Variants in CRHR1 observed in about 807,000 individuals in gnomAD.
CRHR1 encodes the protein corticotropin-releasing hormone receptor 1.
Under a neutral mutation model 56.0 loss-of-function variants are expected in CRHR1, and 28 were observed. The observed-to-expected ratio is 0.50, with a 90% CI of 0.37 to 0.69. The LOEUF is 0.69. CRHR1 is among the 30% of genes least tolerant of loss of function. The pLI is 0.00. For synonymous variants in CRHR1, 195 were observed against 216.5 expected, an observed-to-expected ratio of 0.90 and a Z score of 0.87; for missense variants, 376 against 548.0, an observed-to-expected ratio of 0.69 and a Z score of 3.13.
intron 12 of CRHR1, 127 bp downstream of exon 12, chr17:45,834,175 G>A: frequency 8.4e-7 from 1 of 1,191,688 alleles, no homozygotes; most frequent in Non-Finnish European, 1.2e-6. Flanking sequence ...GGTCCCTAGG[G>A]GTATGCTGCT....
At chr17:45,801,545 T>C (rs973923712) in intron 1 of CRHR1, among the ~76,000 whole-genome samples, 7 of 152,158 alleles carry the variant, frequency 4.6e-5, no homozygotes, top group Non-Finnish European at 5.9e-5. Context: ...GTGGAGAGAT[T>C]TGTAGCTCAG....
chr17:45,834,914 C>G lies in CRHR1; in HGVS notation c.*150C>G. ...GCACTGACAGCCTGGGGGGGCCGCT[C>G]TCCCCCTGCAGCCGTGCAGGACTCT... On this transcript the variant is annotated 3_prime_UTR_variant, in exon 13 of 13. Transcript: ENST00000314537. The G allele has an allele frequency of 9.3e-7, 1 of 1,080,316 alleles. No individual in the cohort carries two copies. The highest frequency in any genetic ancestry group is 1.3e-6 in the Non-Finnish European group (1 of 754,776). The allele number at this position is 1,080,316 out of a possible 1,614,324, so 66.9% of individuals were successfully genotyped here.
intron 1 of CRHR1, among the ~76,000 whole-genome samples, chr17:45,805,855 T>A (rs1238957088): frequency 6.6e-6 from 1 of 152,122 alleles, no homozygotes; most frequent in Non-Finnish European, 1.5e-5. Context: ...AACCACTAAG[T>A]TCAGATCAGT....
intron 1 of CRHR1, among the ~76,000 whole-genome samples, chr17:45,798,534 A>C (rs1016256876): frequency 4.6e-5 from 7 of 151,718 alleles, no homozygotes; most frequent in Admixed American, 6.5e-5. Context: ...TCGGGAAAAA[A>C]AAAAAAAAAA....
rs529436387 is a variant in CRHR1 at position 45,835,703 on chromosome 17, C to T, written c.*939C>T. The T allele has an allele frequency of 1.3e-5, 2 of 152,428 alleles. No individual in the cohort carries two copies. Among genetic ancestry groups the T allele is most frequent in the South Asian group, 4.1e-4 (2 of 4,830 alleles). 9.4% of individuals were successfully genotyped at this position (152,428 alleles called of 1,614,324 possible). ...CCAGGTGTGGACCGGCCGCAGCCCCCACTGACCTGCCCATGTCCAGAGGGA... is the reference window on the plus strand; with the variant it reads ...CCAGGTGTGGACCGGCCGCAGCCCCTACTGACCTGCCCATGTCCAGAGGGA... On this transcript the variant is annotated 3_prime_UTR_variant, in exon 13 of 13. Coordinates refer to ENST00000314537, the MANE Select transcript of CRHR1 (RefSeq NM_004382.5).
chr17:45,785,255 G>A (rs1450139282), intron 1 of CRHR1, among the ~76,000 whole-genome samples: 2 of 152,270 alleles, frequency 1.3e-5, no homozygotes, highest in African/African-American at 4.8e-5. Context: ...ATCGGGCGCT[G>A]GAGTTTAGGA....
chr17:45,810,755 G>A (rs2061807326), intron 2 of CRHR1, among the ~76,000 whole-genome samples: 1 of 152,234 alleles, frequency 6.6e-6, no homozygotes, highest in South Asian at 2.1e-4. Context: ...CCATCCACTT[G>A]TCCTGATGGA....
intron 8 of CRHR1, among the ~76,000 whole-genome samples, chr17:45,831,708 TGA>T (rs2062313257): frequency 1.3e-5 from 2 of 152,284 alleles, no homozygotes; most frequent in Middle Eastern, 6.8e-3. Context: ...TGAGAACCAC[TGA>T]GAGAGAGCGG....
At chr17:45,822,633 C>T (rs1431488208) in intron 4 of CRHR1, among the ~76,000 whole-genome samples, 2 of 152,190 alleles carry the variant, frequency 1.3e-5, no homozygotes, top group Non-Finnish European at 2.9e-5. Flanking sequence ...GGCAGATCTC[C>T]TGAGGTCAGG....
chr17:45,827,274 G>A (rs1257620253), intron 4 of CRHR1: 1 of 152,282 alleles, frequency 6.6e-6, no homozygotes, highest in Non-Finnish European at 1.5e-5. Context: ...GTGAGGCAGG[G>A]GCCCTGGAAG....
chr17:45,796,478 G>A (rs978843086), intron 1 of CRHR1, among the ~76,000 whole-genome samples: 2 of 152,136 alleles, frequency 1.3e-5, no homozygotes, highest in Admixed American at 1.3e-4. Context: ...GTGTCTTTTG[G>A]AGGATCCAGG....
chr17:45,796,220 A>G (rs1167964618), intron 1 of CRHR1, among the ~76,000 whole-genome samples: 2 of 152,094 alleles, frequency 1.3e-5, no homozygotes, highest in Non-Finnish European at 2.9e-5. Flanking sequence ...TGTGCCTCCC[A>G]CCCACTCAGG....
chr17:45,809,456 C>G (rs931871375), intron 2 of CRHR1, among the ~76,000 whole-genome samples: 3 of 152,192 alleles, frequency 2.0e-5, no homozygotes, highest in African/African-American at 7.2e-5. Flanking sequence ...CATCCCTGAG[C>G]CCACAGAGGT....
intron 2 of CRHR1, among the ~76,000 whole-genome samples, chr17:45,809,338 A>T (rs552318719): frequency 2.0e-3 from 302 of 152,088 alleles, no homozygotes; most frequent in African/African-American, 6.8e-3. Context: ...GAGGGAGGAG[A>T]GCTGCTCAGA....
intron 10 of CRHR1, 82 bp downstream of exon 10, chr17:45,833,619 C>T (rs2062368508): frequency 6.3e-7 from 1 of 1,593,678 alleles, no homozygotes; most frequent in African/African-American, 1.3e-5. Context: ...AGACCTGCCA[C>T]TCCCTCCCCC....
At chr17:45,818,666 C>T (rs62057107) in intron 3 of CRHR1, among the ~76,000 whole-genome samples, 21,816 of 152,172 alleles carry the variant, frequency 0.14, 2,137 homozygotes, top group Middle Eastern at 0.22. Flanking sequence ...TTTCCAGGTG[C>T]CTCCAGCGCC....
At chr17:45,811,444 AG>A (rs1309607895) in intron 2 of CRHR1, among the ~76,000 whole-genome samples, 1 of 152,198 alleles carries the variant, frequency 6.6e-6, no homozygotes, top group Non-Finnish European at 1.5e-5. Flanking sequence ...GGAAGGAGGA[AG>A]ATATAGGACC....
In CRHR1 at chr17:45,784,703, G is replaced by T. The variant is rs978731443; in HGVS notation, c.33+126G>T. 4.9e-6 allele frequency: 5 copies of T among 1,024,708 alleles called. No individual in the cohort carries two copies. Among genetic ancestry groups the T allele is most frequent in the Middle Eastern group, 3.5e-4 (1 of 2,884 alleles). 63.5% of individuals were successfully genotyped at this position (1,024,708 alleles called of 1,614,324 possible). On this transcript the variant is annotated intron_variant, in intron 1 of 12. Transcript: ENST00000314537. The surrounding 1 kb of genome is among the most constrained non-coding windows in gnomAD (Gnocchi z 4.2). ...GAGAGCCGTGCTTAGGTCGGGGAAGGCTGGGCTCCGGGGCAGCCTAACTCT... is the reference window on the plus strand; with the variant it reads ...GAGAGCCGTGCTTAGGTCGGGGAAGTCTGGGCTCCGGGGCAGCCTAACTCT...
At chr17:45,830,387 C>A in intron 6 of CRHR1, 30 bp from the exon 7 acceptor site, 1 of 1,592,030 alleles carries the variant, frequency 6.3e-7, no homozygotes, top group Non-Finnish European at 8.6e-7. Context: ...TGCCCCCCAT[C>A]ATCATCTCTG....
Sources: gnomAD v4.1 joint callset for allele counts (sites outside exome capture counted in the v4.1 genomes callset) on GRCh38, gnomAD v4.1.1 for gene constraint, Gnocchi (gnomAD v3.1) non-coding constraint, MANE v1.5 for transcripts, NCBI Gene and HGNC (gene_info 2026-07-23, HGNC 2026-07-21) for gene names.